The following ACE variants were observed in gnomAD, a reference collection of about 807,000 sequenced individuals.
ACE encodes angiotensin-converting enzyme.
Under a neutral mutation model 162.3 loss-of-function variants are expected in ACE, and 122 were observed. The ratio of observed to expected loss-of-function variants is 0.75; its 90% CI spans 0.65 to 0.87. The LOEUF is 0.87. ACE is among the 40% of genes least tolerant of loss of function. ACE has a pLI of 0.00. For missense variants in ACE, 1,799 were observed against 1,735.1 expected (o/e 1.04, Z -0.65); for synonymous variants, 796 against 720.6 (o/e 1.10, Z -1.68).
At chr17:63,483,253 C>G (rs549452493) in intron 9 of ACE, 80 bp downstream of exon 9, 63 of 1,605,898 alleles carry the variant, frequency 3.9e-5, no homozygotes, top group Non-Finnish European at 5.2e-5. Context: ...CCTGCCCCAG[C>G]CAGTTCTAGC....
intron 15 of ACE, 150 bp downstream of exon 15, chr17:63,487,223 G>A (rs1317315873): frequency 1.4e-6 from 1 of 710,412 alleles, no homozygotes; most frequent in Non-Finnish European, 2.5e-6. Flanking sequence ...CACGAGGGGG[G>A]CTTCTCTGCC....
rs909231753 is a variant in ACE at position 63,497,794 on chromosome 17, T to C, written c.*428T>C. 1 of 356,976 alleles carries C rather than the reference T, an allele frequency of 2.8e-6. No individual in the cohort carries two copies. Among genetic ancestry groups the C allele is most frequent in the Non-Finnish European group, 5.4e-6 (1 of 184,768 alleles). The allele number at this position is 356,976 out of a possible 1,614,324, so 22.1% of individuals were successfully genotyped here. On this transcript the variant is annotated 3_prime_UTR_variant, in exon 25 of 25. Transcript: ENST00000290866. ...TCCTGGCGCTGGCGCCTGTCTTCCC[T>C]CCAGCCCAGGCAGCCCGCCACTGTC...
At position 63,484,927 on chromosome 17, in the gene ACE, C is replaced by T. The variant is rs532464035; in HGVS notation, c.1922-309C>T. On this transcript the variant is annotated intron_variant, in intron 12 of 24. Transcript: ENST00000290866. This position sits in a 1 kb window ranked among gnomAD's most constrained non-coding sequence, Gnocchi z 4.0. ...GCCTCCTCTTCCTGCTGCTCTGCTA[C>T]GGGCACCCTCTGCTGGTCCCCAGCC... is the stretch of plus-strand genomic sequence containing the variant. 31 of 1,596,434 alleles carry T rather than the reference C, an allele frequency of 1.9e-5. No individual in the cohort carries two copies. Among genetic ancestry groups the T allele is most frequent in the African/African-American group, 1.5e-4 (11 of 74,680 alleles).
intron 15 of ACE, 78 bp downstream of exon 15, chr17:63,487,151 C>A: frequency 7.8e-7 from 1 of 1,286,484 alleles, no homozygotes; most frequent in Admixed American, 1.7e-5. Context: ...GGTGAGAGCA[C>A]AGAGTTGGGT....
intron 15 of ACE, among the ~76,000 whole-genome samples, chr17:63,487,668 C>T (rs991941075): frequency 1.3e-5 from 2 of 152,236 alleles, no homozygotes; most frequent in East Asian, 1.9e-4. Flanking sequence ...TACCCCGGCC[C>T]GTTTGAAAGA....
chr17:63,482,785 T>G, intron 8 of ACE, 96 bp downstream of exon 8: 1 of 1,367,040 alleles, frequency 7.3e-7, no homozygotes, highest in Non-Finnish European at 1.0e-6. Context: ...CTGCCCTTCT[T>G]TCTGCCTCCC....
In ACE at chr17:63,491,228, T is replaced by C. The variant is rs745827618; in HGVS notation, c.2759T>C (p.Met920Thr). 6.2e-6 allele frequency: 10 copies of C among 1,613,874 alleles called. No homozygotes were observed. The highest frequency in any genetic ancestry group is 8.5e-6 in the Non-Finnish European group (10 of 1,180,008). ...TTGCAGGGCTGGACGCCCAGGAGGA[T>C]GTTTAAGGAGGCTGATGATTTCTTC... is the stretch of plus-strand genomic sequence containing the variant. ...MLKQGWTPRR[M>T]FKEADDFFTS... The change falls in exon 19 of 25, where the codon ATG becomes ACG. Residue 920 changes from methionine (M) to threonine (T), a missense_variant. Met to Thr is a moderately conservative substitution (Grantham distance 81). Coordinates refer to ENST00000290866, the MANE Select transcript of ACE (RefSeq NM_000789.4). The surrounding 1 kb of genome is among the most constrained non-coding windows in gnomAD (Gnocchi z 4.4).
rs2049646473 is a variant in ACE, at chr17:63,477,971, G to C, written c.290G>C (p.Trp97Ser). ...ALLSQEFAEAWGQKAKELYEP... is the reference protein window; with the variant it reads ...ALLSQEFAEASGQKAKELYEP... The stretch of plus-strand genomic sequence containing the variant: ...CTCAGCCAGGAGTTTGCGGAGGCCT[G>C]GGGCCAGAAGGCCAAGGAGCTGTAT... The change falls in exon 2 of 25, where the codon TGG becomes TCG. Residue 97 changes from tryptophan (W) to serine (S), a missense_variant. Physicochemically the swap from Trp to Ser is radical, Grantham distance 177. Coordinates refer to ENST00000290866, the MANE Select transcript of ACE (RefSeq NM_000789.4). 6.2e-7 allele frequency: 1 copy of C among 1,612,288 alleles called. No individual in the cohort carries two copies. The highest frequency in any genetic ancestry group is 8.5e-7 in the Non-Finnish European group (1 of 1,179,464).
rs372668972 is a variant in ACE, at chr17:63,491,083, G to A, written c.2739+32G>A. On this transcript the variant is annotated intron_variant, in intron 18 of 24. Transcript: ENST00000290866. This position sits in a 1 kb window ranked among gnomAD's most constrained non-coding sequence, Gnocchi z 4.4. ...ACCAGCCCAGGGGCAGGGAGGCCCC[G>A]CCGGGATGGGAGGGACCCTCTGATT... 43 of 1,612,192 alleles carry A rather than the reference G, an allele frequency of 2.7e-5. No homozygotes were observed. In the African/African-American group the frequency reaches 4.7e-4, roughly 17 times the overall value.
chr17:63,485,224 T>C lies in ACE; in HGVS notation c.1922-12T>C. 7 of 1,614,002 alleles carry C rather than the reference T, an allele frequency of 4.3e-6. No individual in the cohort carries two copies. Among genetic ancestry groups the C allele is most frequent in the Non-Finnish European group, 5.9e-6 (7 of 1,180,002 alleles). ...CAGAGGTTTGTCTGTTTCCCTGCAC[T>C]CTGTCCCACAGACCTGGTGACTGAT... On this transcript the variant is annotated splice_polypyrimidine_tract_variant and intron_variant, in intron 12 of 24. Coordinates refer to ENST00000290866, the MANE Select transcript of ACE (RefSeq NM_000789.4).
chr17:63,483,763 C>T (rs1210689724), intron 10 of ACE, 86 bp from the exon 11 acceptor site: 21 of 1,604,738 alleles, frequency 1.3e-5, no homozygotes, highest in Non-Finnish European at 1.8e-5. Flanking sequence ...AGCCTCTGCC[C>T]TGCAGGAAGC....
At chr17:63,495,647 C>G (rs1201984037) in intron 22 of ACE, among the ~76,000 whole-genome samples, 1 of 152,204 alleles carries the variant, frequency 6.6e-6, no homozygotes, top group East Asian at 1.9e-4. Context: ...CCTGGGGTTC[C>G]CAGCCGGCGC....
chr17:63,496,697 G>A (rs1029255687), intron 23 of ACE, 101 bp from the exon 24 acceptor site: 1 of 1,589,356 alleles, frequency 6.3e-7, no homozygotes, highest in Non-Finnish European at 8.6e-7. Context: ...GGGGCCCTGG[G>A]ACAAGTTTCA....
Position 63,477,116 on chromosome 17 carries a change from C to G in ACE, c.22C>G (p.Arg8Gly). The G allele has an allele frequency of 7.5e-7, 1 of 1,335,090 alleles. No individual in the cohort carries two copies. Among genetic ancestry groups the G allele is most frequent in the Non-Finnish European group, 9.5e-7 (1 of 1,050,422 alleles). The allele number at this position is 1,335,090 out of a possible 1,614,324, so 82.7% of individuals were successfully genotyped here. A position where few individuals can be genotyped will look rare whatever the true frequency, so the allele number is the denominator to read the frequency against. MGAASGR[R>G]GPGLLLPLPL... ...CGTCATGGGGGCCGCCTCGGGCCGCCGGGGGCCGGGGCTGCTGCTGCCGCT... is the reference window on the plus strand; with the variant it reads ...CGTCATGGGGGCCGCCTCGGGCCGCGGGGGGCCGGGGCTGCTGCTGCCGCT... The change falls in exon 1 of 25, where the codon CGG becomes GGG. Residue 8 changes from arginine to glycine, a missense_variant. By Grantham distance (125) the Arg-to-Gly change is moderately radical. Transcript: ENST00000290866.
At chr17:63,488,521 C>T (rs772298984) in intron 15 of ACE, 127 bp from the exon 16 acceptor site, 3 of 360,190 alleles carry the variant, frequency 8.3e-6, no homozygotes, top group South Asian at 6.4e-5. Flanking sequence ...TTCTCTAGAC[C>T]TGCTGCCTAT....
At position 63,497,417 on chromosome 17, in the gene ACE, G is replaced by T; in HGVS notation, c.*51G>T. On this transcript the variant is annotated 3_prime_UTR_variant, in exon 25 of 25. Coordinates refer to ENST00000290866, the MANE Select transcript of ACE (RefSeq NM_000789.4). ...CCAAGGGCCTCCCACCAGAGACTGG[G>T]ATGGGAACACTGGTGGGCAGCTGAG... The T allele has an allele frequency of 6.7e-7, 1 of 1,486,332 alleles. No homozygotes were observed. 92.1% of individuals were successfully genotyped at this position (1,486,332 alleles called of 1,614,324 possible).
chr17:63,486,513 C>T (rs750680287), intron 13 of ACE, 44 bp from the exon 14 acceptor site: 1 of 1,610,780 alleles, frequency 6.2e-7, no homozygotes, highest in Admixed American at 1.7e-5. Flanking sequence ...AGAGGCTGCT[C>T]TGGAGCTCCT....
intron 22 of ACE, among the ~76,000 whole-genome samples, chr17:63,495,559 C>T (rs762065546): frequency 1.1e-4 from 17 of 152,182 alleles, no homozygotes; most frequent in Non-Finnish European, 2.2e-4. Context: ...CCCTGGAGCA[C>T]CTCAGATAGG....
At chr17:63,481,473 C>A in intron 6 of ACE, 93 bp from the exon 7 acceptor site, 1 of 1,399,036 alleles carries the variant, frequency 7.1e-7, no homozygotes, top group Non-Finnish European at 9.9e-7. Context: ...AGCTTTCATG[C>A]ACAGGGAGTT....
Sources: gnomAD v4.1 joint callset for allele counts (sites outside exome capture counted in the v4.1 genomes callset) on GRCh38, gnomAD v4.1.1 for gene constraint, Gnocchi (gnomAD v3.1) non-coding constraint, MANE v1.5 for transcripts, NCBI Gene and HGNC (gene_info 2026-07-23, HGNC 2026-07-21) for gene names.